The following MED19 variants were observed in gnomAD, a reference collection of about 807,000 sequenced individuals.
MED19 encodes the protein mediator of RNA polymerase II transcription subunit 19.
A neutral mutation model predicts 19.9 loss-of-function variants in MED19; 4 were observed. The observed-to-expected ratio is 0.20, with a 90% CI of 0.10 to 0.46. The LOEUF (loss-of-function observed/expected upper bound fraction) is 0.46. MED19 is among the 20% of genes least tolerant of loss of function. The pLI is 0.99. For synonymous variants in MED19, 139 were observed against 119.6 expected, an observed-to-expected ratio of 1.16 and a Z score of -1.06; for missense variants, 303 against 318.7, an observed-to-expected ratio of 0.95 and a Z score of 0.38.
At chr11:57,705,420 G>A (rs909882320) in intron 1 of MED19, among the ~76,000 whole-genome samples, 191 bp from the exon 2 acceptor site, 1 of 152,148 alleles carries the variant, frequency 6.6e-6, no homozygotes, top group Non-Finnish European at 1.5e-5. Context: ...GGGAGGCTGA[G>A]GCGGGTGGAT....
exon 2 of MED19, chr11:57,705,022 T>C (rs776673925): frequency 2.5e-5 from 41 of 1,613,962 alleles, no homozygotes; most frequent in Admixed American, 3.3e-5. Context: ...TGTGATAGGA[T>C]TGAAAGAGCT....
intron 4 of MED19, 64 bp from the exon 5 acceptor site, chr11:57,704,170 C>G: frequency 6.5e-7 from 1 of 1,530,844 alleles, no homozygotes; most frequent in Non-Finnish European, 8.7e-7. Flanking sequence ...TCAGGCTGTA[C>G]AGGAGAAACC....
chr11:57,704,973 C>T (rs778299132), exon 2 of MED19: 5 of 1,612,464 alleles, frequency 3.1e-6, no homozygotes, highest in Non-Finnish European at 4.2e-6. Context: ...CAGGACTCAC[C>T]GGGCCAGTGT....
rs548748301 is a variant in MED19, at chr11:57,706,340, C to T, written c.218-1111G>A. 2.6e-4 allele frequency among the ~76,000 whole-genome samples: 40 copies of T among 152,214 alleles called. 1 individual carries two copies. In the South Asian group the frequency reaches 8.1e-3, roughly 31 times the overall value. ...TTTTTTTCTAGTAGAGAAGGGGGTTCACCATGTTGAGTAGGCTGGTCTTGA... is the reference window on the plus strand; with the variant it reads ...TTTTTTTCTAGTAGAGAAGGGGGTTTACCATGTTGAGTAGGCTGGTCTTGA... On this transcript the variant is annotated intron_variant, in intron 1 of 4. Coordinates refer to ENST00000431606, the Ensembl canonical transcript of MED19.
intron 4 of MED19, 59 bp from the exon 5 acceptor site, chr11:57,704,165 C>G: frequency 6.5e-7 from 1 of 1,534,488 alleles, no homozygotes; most frequent in East Asian, 2.4e-5. Flanking sequence ...TTTGATCAGG[C>G]TGTACAGGAG....
intron 1 of MED19, among the ~76,000 whole-genome samples, chr11:57,705,668 A>C (rs1259850137): frequency 1.3e-5 from 2 of 151,658 alleles, no homozygotes; most frequent in Non-Finnish European, 2.9e-5. Context: ...AAAAAAAAAA[A>C]CAGCAAAAGT....
chr11:57,709,584 G>T (rs1946541360), intron 1 of MED19, among the ~76,000 whole-genome samples: 1 of 152,070 alleles, frequency 6.6e-6, no homozygotes, highest in South Asian at 2.1e-4. Flanking sequence ...TTGAGACAGG[G>T]TCTTCCTCTA....
exon 4 of MED19, chr11:57,704,393 G>A: frequency 6.5e-7 from 1 of 1,537,944 alleles, no homozygotes; most frequent in Admixed American, 2.0e-5. Flanking sequence ...ATCAGATGGT[G>A]TTTCTGTAGG....
At chr11:57,705,980 G>A (rs74405206) in intron 1 of MED19, among the ~76,000 whole-genome samples, 1 of 151,836 alleles carries the variant, frequency 6.6e-6, no homozygotes, top group African/African-American at 2.4e-5. Flanking sequence ...AGTGACTTAA[G>A]GGTCTTGTCA....
chr11:57,711,949 G>A lies in MED19; in HGVS notation c.217+14C>T. On this transcript the variant is annotated intron_variant, in intron 1 of 4. Transcript: ENST00000431606. ...AGATTTGATTGGCTGGCTTTGGCAA[G>A]GCCGAGTACTCACCTGGCAGTTCCC... 1 of 1,415,940 alleles carries A rather than the reference G, an allele frequency of 7.1e-7. No homozygotes were observed. The highest frequency in any genetic ancestry group is 9.3e-7 in the Non-Finnish European group (1 of 1,078,186). 87.7% of individuals were successfully genotyped at this position (1,415,940 alleles called of 1,614,324 possible).
chr11:57,711,599 C>T (rs915569645), intron 1 of MED19, among the ~76,000 whole-genome samples: 4 of 152,288 alleles, frequency 2.6e-5, no homozygotes, highest in Non-Finnish European at 4.4e-5. Context: ...GGTGATTCGC[C>T]CGCCTCCGCC....
rs141568330 is a variant in MED19 at position 57,711,318 on chromosome 11, A to G, written c.217+645T>C. 2.6e-5 allele frequency among the ~76,000 whole-genome samples: 4 copies of G among 152,316 alleles called. No homozygotes were observed. In the East Asian group the frequency reaches 7.7e-4, roughly 29 times the overall value. Reference sequence around the variant, plus strand: ...TGTAACTAAAACTTTGGGTCCCCAAAGATATTAAATCAGGCCTCTCGAGTT... The same window carrying G: ...TGTAACTAAAACTTTGGGTCCCCAAGGATATTAAATCAGGCCTCTCGAGTT... On this transcript the variant is annotated intron_variant, in intron 1 of 4. Coordinates refer to ENST00000431606, the Ensembl canonical transcript of MED19.
exon 3 of MED19, chr11:57,704,721 G>A: frequency 1.3e-6 from 2 of 1,582,014 alleles, no homozygotes; most frequent in Non-Finnish European, 1.7e-6. Context: ...CTTCTTACCT[G>A]GGGGGACAGG....
intron 1 of MED19, among the ~76,000 whole-genome samples, chr11:57,706,732 C>CAA: frequency 6.6e-6 from 1 of 150,988 alleles, no homozygotes; most frequent in East Asian, 2.0e-4. Flanking sequence ...GACCCTGTCT[C>CAA]AAAAAAAACA....
exon 1 of MED19, chr11:57,711,967 C>A: frequency 6.9e-7 from 1 of 1,455,910 alleles, no homozygotes; most frequent in Non-Finnish European, 9.1e-7. Context: ...ACTCACCTGG[C>A]AGTTCCCTCA....
At chr11:57,712,192 C>T in exon 1 of MED19, 2 of 1,510,128 alleles carry the variant, frequency 1.3e-6, no homozygotes, top group Admixed American at 2.3e-5. Flanking sequence ...TACCCTCCGC[C>T]CCGGCGCTGT....
chr11:57,706,492 C>G (rs1236702705), intron 1 of MED19, among the ~76,000 whole-genome samples: 1 of 152,144 alleles, frequency 6.6e-6, no homozygotes, highest in Non-Finnish European at 1.5e-5. Flanking sequence ...AACTAATGGC[C>G]AGGCGCGGTG....
intron 3 of MED19, 44 bp downstream of exon 3, chr11:57,704,668 GGTTTTTT>G: frequency 1.7e-6 from 2 of 1,189,758 alleles, no homozygotes; most frequent in Non-Finnish European, 2.4e-6. Context: ...CAGAAGGTCA[GGTTTTTT>G]TTTTTTTTTT....
chr11:57,709,634 T>C (rs1392491832), intron 1 of MED19, among the ~76,000 whole-genome samples: 2 of 152,208 alleles, frequency 1.3e-5, no homozygotes, highest in African/African-American at 4.8e-5. Flanking sequence ...CATGGCTCAC[T>C]GCAGCCTCAA....
Sources: gnomAD v4.1 joint callset for allele counts (sites outside exome capture counted in the v4.1 genomes callset) on GRCh38, gnomAD v4.1.1 for gene constraint, MANE v1.5 for transcripts, NCBI Gene and HGNC (gene_info 2026-07-23, HGNC 2026-07-21) for gene names.